IQGAP2: variants seen among roughly 807,000 people sequenced by gnomAD.
The protein encoded by IQGAP2 is ras GTPase-activating-like protein IQGAP2.
IQGAP2 carries 173 observed loss-of-function variants against 201.3 expected under a neutral mutation model. The ratio of observed to expected loss-of-function variants is 0.86; its 90% confidence interval spans 0.76 to 0.98. The LOEUF (loss-of-function observed/expected upper bound fraction) is 0.98, where lower values mean the gene tolerates loss of function less well. Among genes scored for constraint, IQGAP2 ranks in the 50% least tolerant of loss-of-function variants. The pLI is 0.00. For missense variants in IQGAP2, 1,687 were observed against 1,864.8 expected (o/e 0.90, Z 1.76); for synonymous variants, 675 against 673.9 (o/e 1.00, Z -0.03).
chr5:76,663,620 A>G (rs1328944151), intron 21 of IQGAP2, among the ~76,000 whole-genome samples: 1 of 152,266 alleles, frequency 6.6e-6, no homozygotes, highest in Non-Finnish European at 1.5e-5. Context: ...CACTAATAAA[A>G]GATGGAAAAT....
At position 76,562,087 on chromosome 5, in the gene IQGAP2, A is replaced by T. The variant is rs545429899; in HGVS notation, c.147-309A>T. Among the ~76,000 whole-genome samples, 118 of 152,284 alleles carry T rather than the reference A, an allele frequency of 7.7e-4. 1 individual carries two copies. The highest frequency in any genetic ancestry group is 2.7e-3 in the African/African-American group (112 of 41,558). ...TGTCAGCAGGACTAATTCCACCTAT[A>T]CAAAATGGTTTGGCCTTTTCCTTCT... On this transcript the variant is annotated intron_variant, in intron 2 of 35. Transcript: ENST00000274364.
intron 8 of IQGAP2, among the ~76,000 whole-genome samples, chr5:76,592,551 T>G (rs1746734037): frequency 1.3e-5 from 2 of 148,996 alleles, no homozygotes; most frequent in Non-Finnish European, 3.0e-5. Flanking sequence ...ACTATTCAAC[T>G]GTTTTTGATC....
chr5:76,683,010 A>T, intron 28 of IQGAP2, 105 bp from the exon 29 acceptor site: 1 of 603,134 alleles, frequency 1.7e-6, no homozygotes, highest in Admixed American at 3.0e-5. Flanking sequence ...ACTCATATTT[A>T]AGATTTAAAT....
intron 14 of IQGAP2, 52 bp from the exon 15 acceptor site, chr5:76,631,807 G>T (rs1366229549): frequency 2.2e-6 from 3 of 1,338,978 alleles, no homozygotes; most frequent in Admixed American, 2.4e-5. Context: ...TGCATGCCTT[G>T]AAGTAAGTGG....
intron 35 of IQGAP2, among the ~76,000 whole-genome samples, chr5:76,706,984 G>A (rs1395657897): frequency 6.6e-6 from 1 of 152,200 alleles, no homozygotes; most frequent in Non-Finnish European, 1.5e-5. Flanking sequence ...ATGGCCTGGT[G>A]CCATGGCATG....
chr5:76,405,294 G>C (rs867545281), intron 1 of IQGAP2, among the ~76,000 whole-genome samples: 2 of 152,224 alleles, frequency 1.3e-5, no homozygotes, highest in Admixed American at 6.5e-5. Flanking sequence ...AGGGAGTCCA[G>C]ATCTGGCAAG....
At chr5:76,569,707 T>C (rs914041710) in intron 3 of IQGAP2, among the ~76,000 whole-genome samples, 2 of 152,246 alleles carry the variant, frequency 1.3e-5, no homozygotes, top group African/African-American at 2.4e-5. Context: ...ATGTTAGTTA[T>C]ATGGTAAAAC....
At chr5:76,688,602 G>A (rs531093586) in intron 30 of IQGAP2, among the ~76,000 whole-genome samples, 44 of 152,120 alleles carry the variant, frequency 2.9e-4, no homozygotes, top group Non-Finnish European at 5.7e-4. Context: ...TCTTTGGAGC[G>A]TTTTGAATTT....
At chr5:76,526,407 T>G (rs1758977295) in intron 2 of IQGAP2, among the ~76,000 whole-genome samples, 1 of 152,170 alleles carries the variant, frequency 6.6e-6, no homozygotes, top group Non-Finnish European at 1.5e-5. Context: ...CTCCTTTACC[T>G]TTAGATTTTC....
intron 31 of IQGAP2, chr5:76,694,007 C>A (rs950718790): frequency 6.6e-6 from 1 of 152,048 alleles, no homozygotes; most frequent in Non-Finnish European, 1.5e-5. Context: ...ATTTTAGTAC[C>A]AATAATTGCC....
intron 2 of IQGAP2, among the ~76,000 whole-genome samples, chr5:76,559,743 G>A (rs544219374): frequency 2.0e-5 from 3 of 152,128 alleles, no homozygotes; most frequent in Non-Finnish European, 4.4e-5. Context: ...TGTGGAGTTC[G>A]TGTGGTCTCC....
At chr5:76,660,937 G>C (rs1743197084) in intron 21 of IQGAP2, among the ~76,000 whole-genome samples, 1 of 152,166 alleles carries the variant, frequency 6.6e-6, no homozygotes, top group Non-Finnish European at 1.5e-5. Flanking sequence ...ATGGTTTTTA[G>C]ACTATTTTAA....
At chr5:76,656,323 A>G (rs554930744) in intron 20 of IQGAP2, among the ~76,000 whole-genome samples, 147 of 151,892 alleles carry the variant, frequency 9.7e-4, no homozygotes, top group African/African-American at 3.3e-3. Context: ...CTGGGACTAC[A>G]GGCGCCCACC....
At chr5:76,509,984 C>CTTTTTTTTTTTTTTTTT (rs11331690) in intron 2 of IQGAP2, among the ~76,000 whole-genome samples, 8 of 138,048 alleles carry the variant, frequency 5.8e-5, no homozygotes, top group Admixed American at 1.4e-4. Context: ...AATTTTCTTT[C>CTTTTTTTTTTTTTTTTT]TTTTTTTTTT....
At chr5:76,693,970 T>A (rs565858403) in intron 31 of IQGAP2, 4 of 152,466 alleles carry the variant, frequency 2.6e-5, no homozygotes, top group African/African-American at 9.6e-5. Flanking sequence ...ACGTCATTGT[T>A]CGTTCTAAAA....
At chr5:76,607,617 G>A (rs530907624) in intron 12 of IQGAP2, 4 of 152,164 alleles carry the variant, frequency 2.6e-5, no homozygotes, top group Non-Finnish European at 5.9e-5. Context: ...ACTTGGCTTG[G>A]GAGTTTATGG....
chr5:76,412,727 C>T (rs1751191008), intron 1 of IQGAP2, among the ~76,000 whole-genome samples: 1 of 152,102 alleles, frequency 6.6e-6, no homozygotes, highest in East Asian at 1.9e-4. Flanking sequence ...TATTGTTTGT[C>T]TAAATGAGGA....
chr5:76,596,146 A>T (rs1378482673), intron 9 of IQGAP2, among the ~76,000 whole-genome samples: 1 of 152,202 alleles, frequency 6.6e-6, no homozygotes, highest in Non-Finnish European at 1.5e-5. Context: ...TTGAGGGAAG[A>T]TCCTCGTGAA....
chr5:76,655,953 A>G (rs1179607777), intron 20 of IQGAP2, among the ~76,000 whole-genome samples: 1 of 152,192 alleles, frequency 6.6e-6, no homozygotes, highest in East Asian at 1.9e-4. Context: ...TAAATTTACT[A>G]GTACTTACAG....
Sources: gnomAD v4.1 joint callset for allele counts (sites outside exome capture counted in the v4.1 genomes callset) on GRCh38, gnomAD v4.1.1 for gene constraint, MANE v1.5 for transcripts, NCBI Gene and HGNC (gene_info 2026-07-23, HGNC 2026-07-21) for gene names.